The following KIAA1549L variants were observed in gnomAD, a reference collection of about 807,000 sequenced individuals.
The protein encoded by KIAA1549L is UPF0606 protein KIAA1549L.
In KIAA1549L, 88 loss-of-function variants were observed where a neutral mutation model predicts 160.7. The ratio of observed to expected loss-of-function variants is 0.55; its 90% CI spans 0.46 to 0.65. KIAA1549L has a LOEUF of 0.65. Ranked by LOEUF, KIAA1549L falls within the 30% of genes least tolerant of loss-of-function variation. KIAA1549L has a pLI of 0.00. For missense variants in KIAA1549L, 2,258 were observed against 2,437.5 expected, an observed-to-expected ratio of 0.93 and a Z score of 1.55; for synonymous variants, 950 against 976.7, an observed-to-expected ratio of 0.97 and a Z score of 0.51.
intron 1 of KIAA1549L, among the ~76,000 whole-genome samples, chr11:33,394,422 C>T (rs2761213): frequency 2.4e-4 from 6 of 24,720 alleles, no homozygotes; most frequent in African/African-American, 6.0e-4. Flanking sequence ...AATAAATAAA[C>T]AAACAATAAA....
chr11:33,611,066 G>A (rs1434167751), intron 15 of KIAA1549L, among the ~76,000 whole-genome samples: 3 of 152,212 alleles, frequency 2.0e-5, no homozygotes, highest in African/African-American at 7.2e-5. Flanking sequence ...AACCATGGCT[G>A]CAGCCTTCCA....
chr11:33,568,236 A>G lies in KIAA1549L; in HGVS notation c.4230+9A>G, dbSNP rs1358092071. On this transcript the variant is annotated intron_variant, in intron 9 of 20. Transcript: ENST00000658780. ...GAAGCTACACTGTGCAGGTAGGTGTATACAGAGCCACTGGGGTTTTCTAAT... is the reference window on the plus strand; with the variant it reads ...GAAGCTACACTGTGCAGGTAGGTGTGTACAGAGCCACTGGGGTTTTCTAAT... 1 of 1,603,504 alleles carries G rather than the reference A, an allele frequency of 6.2e-7. No individual in the cohort carries two copies.
intron 1 of KIAA1549L, among the ~76,000 whole-genome samples, chr11:33,501,635 A>G (rs1303821718): frequency 1.3e-5 from 2 of 152,208 alleles, no homozygotes; most frequent in South Asian, 2.1e-4. Flanking sequence ...AAGAAAATAA[A>G]CAGCAATTAC....
At chr11:33,666,411 C>A (rs922911136) in intron 20 of KIAA1549L, among the ~76,000 whole-genome samples, 4 of 152,210 alleles carry the variant, frequency 2.6e-5, no homozygotes, top group African/African-American at 9.7e-5. Flanking sequence ...TGCCCAGAAT[C>A]CCCCTCCCAC....
chr11:33,557,217 G>A (rs1192411697), intron 6 of KIAA1549L, among the ~76,000 whole-genome samples: 1 of 152,154 alleles, frequency 6.6e-6, no homozygotes. Flanking sequence ...TTGAACTCCT[G>A]GGCTCAAGTG....
chr11:33,471,173 C>T (rs1423085591), intron 1 of KIAA1549L, among the ~76,000 whole-genome samples: 1 of 151,706 alleles, frequency 6.6e-6, no homozygotes, highest in Non-Finnish European at 1.5e-5. Flanking sequence ...ATTACTGCCC[C>T]TCAACTTTTT....
chr11:33,478,276 G>GC (rs1852333020), intron 1 of KIAA1549L, among the ~76,000 whole-genome samples: 1 of 133,742 alleles, frequency 7.5e-6, no homozygotes, highest in African/African-American at 2.8e-5. Flanking sequence ...ACTCACAGAG[G>GC]CAAGTTTTGT....
intron 1 of KIAA1549L, among the ~76,000 whole-genome samples, chr11:33,393,268 A>G (rs529710889): frequency 1.2e-3 from 185 of 152,178 alleles, no homozygotes; most frequent in African/African-American, 4.1e-3. Flanking sequence ...ACACTTCTTC[A>G]AGACTCAACT....
chr11:33,454,811 T>C (rs2756288), intron 1 of KIAA1549L, among the ~76,000 whole-genome samples: 97,972 of 152,050 alleles, frequency 0.64, 32,524 homozygotes, highest in African/African-American at 0.8. Context: ...ATTTGGTGGC[T>C]GGGCGCGGTG....
At position 33,643,498 on chromosome 11, in the gene KIAA1549L, C is replaced by T. The variant is rs1851641777; in HGVS notation, c.5410-2188C>T. ...ACAGCTCAGGGGTGGGGAAATTGTACCTCAGCTCACCCCTGTGCTGTTAAT... is the reference window on the plus strand; with the variant it reads ...ACAGCTCAGGGGTGGGGAAATTGTATCTCAGCTCACCCCTGTGCTGTTAAT... On this transcript the variant is annotated intron_variant, in intron 16 of 20. Transcript: ENST00000658780. Among the ~76,000 whole-genome samples, 3 of 152,290 alleles carry T rather than the reference C, an allele frequency of 2.0e-5. No individual in the cohort carries two copies. In the South Asian group the frequency reaches 6.2e-4, roughly 32 times the overall value.
intron 9 of KIAA1549L, among the ~76,000 whole-genome samples, chr11:33,571,387 A>C (rs1459992269): frequency 6.6e-6 from 1 of 152,202 alleles, no homozygotes; most frequent in Non-Finnish European, 1.5e-5. Flanking sequence ...TGTTTTCCGG[A>C]GAGTGTCTAG....
chr11:33,402,897 C>G (rs1052303778), intron 1 of KIAA1549L, among the ~76,000 whole-genome samples: 1 of 152,168 alleles, frequency 6.6e-6, no homozygotes, highest in African/African-American at 2.4e-5. Flanking sequence ...GGGCCCTGCT[C>G]TAGTCCTTGT....
chr11:33,415,900 C>A (rs1270619946), intron 1 of KIAA1549L, among the ~76,000 whole-genome samples: 1 of 151,688 alleles, frequency 6.6e-6, no homozygotes, highest in East Asian at 1.9e-4. Flanking sequence ...GTGGCGTGAT[C>A]TCGGTTCACT....
intron 11 of KIAA1549L, among the ~76,000 whole-genome samples, 159 bp downstream of exon 11, chr11:33,583,660 T>A (rs531265073): frequency 6.6e-6 from 1 of 152,334 alleles, no homozygotes; most frequent in East Asian, 1.9e-4. Context: ...CAGGACCTGA[T>A]GGTTTGTGGT....
chr11:33,583,420 C>G lies in KIAA1549L; in HGVS notation c.4485C>G (p.Ile1495Met), dbSNP rs1855710481. 2 of 1,597,952 alleles carry G rather than the reference C, an allele frequency of 1.3e-6. No individual in the cohort carries two copies. Among genetic ancestry groups the G allele is most frequent in the African/African-American group, 2.7e-5 (2 of 74,698 alleles). Residue 1495 changes from isoleucine (I) to methionine (M), a missense_variant, in exon 11 of 21, where the codon ATC becomes ATG. Around this residue, in one of 6 missense-constraint regions of KIAA1549L, gnomAD observed 1,359 missense variants for 1,546.6 expected, o/e 0.88. Coordinates refer to ENST00000658780, the MANE Select transcript of KIAA1549L (RefSeq NM_012194.3). ...APIAVVTVII[I>M]IITAVLCRKN... is the part of the protein sequence containing the mutation. ...TTGCCGTGGTCACGGTCATCATCAT[C>G]ATCATCACTGCCGTGCTCTGCAGGA...
intron 1 of KIAA1549L, among the ~76,000 whole-genome samples, chr11:33,529,250 A>C (rs989047611): frequency 1.3e-5 from 2 of 152,054 alleles, no homozygotes; most frequent in Non-Finnish European, 2.9e-5. Flanking sequence ...TGGAAGCATC[A>C]TCTGAGCCCA....
chr11:33,555,460 G>A (rs1854615719), intron 6 of KIAA1549L, among the ~76,000 whole-genome samples: 1 of 152,196 alleles, frequency 6.6e-6, no homozygotes, highest in Non-Finnish European at 1.5e-5. Context: ...CATAAAGGCA[G>A]ACATCTAGAC....
At chr11:33,380,439 G>C (rs932917162) in intron 1 of KIAA1549L, among the ~76,000 whole-genome samples, 1 of 152,182 alleles carries the variant, frequency 6.6e-6, no homozygotes, top group Non-Finnish European at 1.5e-5. Context: ...TGATACCAAA[G>C]AATTTCTTCT....
Position 33,574,739 on chromosome 11 carries a change from C to A in KIAA1549L, c.4268C>A (p.Pro1423Gln). ...CAGCGTGTCCCAGGCCCGAAGGACC[C>A]AGCGGAGCTGACTTACTATACCCTG... Reference protein sequence around the residue: ...KMQRVPGPKDPAELTYYTLYN... With the variant: ...KMQRVPGPKDQAELTYYTLYN... Residue 1423 changes from proline to glutamine, a missense_variant, in exon 10 of 21, where the codon CCA becomes CAA. Physicochemically the swap from Pro to Gln is moderately conservative, Grantham distance 76. This residue lies in a region of KIAA1549L where 1,359 missense variants were observed against 1,546.6 expected (regional missense o/e 0.88). Coordinates refer to ENST00000658780, the MANE Select transcript of KIAA1549L (RefSeq NM_012194.3). 1 of 1,613,764 alleles carries A rather than the reference C, an allele frequency of 6.2e-7. No homozygotes were observed. The highest frequency in any genetic ancestry group is 8.5e-7 in the Non-Finnish European group (1 of 1,179,738).
Sources: gnomAD v4.1 joint callset for allele counts (sites outside exome capture counted in the v4.1 genomes callset) on GRCh38, gnomAD v4.1.1 for gene constraint, gnomAD v4.1.1 regional missense constraint, MANE v1.5 for transcripts, NCBI Gene and HGNC (gene_info 2026-07-23, HGNC 2026-07-21) for gene names.